Variants in SSR4 observed in about 807,000 individuals in gnomAD.
SSR4 encodes the protein signal sequence receptor subunit 4.
For synonymous variants in SSR4, 84 were observed against 65.6 expected (o/e 1.28, Z -1.35); for missense variants, 125 against 148.8 (o/e 0.84, Z 0.83).
chrX:153,794,417 G>A (rs782411746), upstream of SSR4: 97 of 1,136,705 alleles, frequency 8.5e-5, no homozygotes, highest in Non-Finnish European at 1.1e-4. Flanking sequence ...GACAGGCGCG[G>A]ACCCGGTACT....
chrX:153,794,191 C>G (rs1056089840), upstream of SSR4: 6 of 1,119,386 alleles, frequency 5.4e-6, no homozygotes, highest in South Asian at 1.2e-4. Context: ...GGTGCGGCTA[C>G]CCCACCGCTC....
intron 2 of SSR4, chrX:153,796,956 C>T (rs1438322160): frequency 2.8e-5 from 5 of 177,909 alleles, no homozygotes; most frequent in Non-Finnish European, 4.2e-5. Context: ...TCTTGGCTCA[C>T]TGCAGCCTCC....
intron 1 of SSR4, chrX:153,795,798 C>T (rs2092136707): frequency 4.0e-6 from 3 of 754,100 alleles, no homozygotes; most frequent in Non-Finnish European, 4.7e-6. Context: ...GTTTCACACC[C>T]TCTGATGTAG....
chrX:153,794,619 C>A, upstream of SSR4: 1 of 1,206,143 alleles, frequency 8.3e-7, no homozygotes, highest in Non-Finnish European at 1.1e-6. Flanking sequence ...ACTTACGCGT[C>A]GCTCTTCCTC....
upstream of SSR4, chrX:153,794,398 A>C: frequency 8.7e-7 from 1 of 1,146,149 alleles, no homozygotes; most frequent in African/African-American, 1.8e-5. Context: ...CGGGGTGCGA[A>C]GTTTCGGGGA....
intron 1 of SSR4, chrX:153,794,985 A>G (rs189153882): frequency 2.3e-6 from 1 of 426,584 alleles, no homozygotes; most frequent in Non-Finnish European, 4.0e-6. Context: ...CCGAGCCTCC[A>G]TGGTGCGCCC....
rs782346890 is a variant in SSR4 at position 153,796,695 on chromosome X, C to A, written c.186+143C>A. The A allele has an allele frequency of 2.0e-5, 10 of 502,600 alleles. No homozygotes were observed. In the South Asian group the frequency reaches 2.6e-4, roughly 13 times the overall value. The allele number at this position is 502,600 out of a possible 1,213,427, so 41.4% of individuals were successfully genotyped here. On this transcript the variant is annotated intron_variant, in intron 2 of 5. Coordinates refer to ENST00000370086, the MANE Select transcript of SSR4 (RefSeq NM_006280.3). Reference sequence around the variant, plus strand: ...AGATCAGGGCACGGTGATGCCAGATCCTAGCCAGTGTTGACAGGTCACCTT... The same window carrying A: ...AGATCAGGGCACGGTGATGCCAGATACTAGCCAGTGTTGACAGGTCACCTT...
At chrX:153,797,701 C>T (rs2092150282) in intron 3 of SSR4, 24 bp from the exon 4 acceptor site, 2 of 1,198,797 alleles carry the variant, frequency 1.7e-6, no homozygotes, top group Non-Finnish European at 2.3e-6. Context: ...ACTCTGCCCA[C>T]ACTCTGCTCA....
chrX:153,794,629 C>T (rs1557071663), upstream of SSR4: 2 of 1,209,416 alleles, frequency 1.7e-6, no homozygotes, highest in Non-Finnish European at 2.2e-6. Context: ...CGCTCTTCCT[C>T]GTTTGCCCCT....
rs782246631 is a variant in SSR4, at chrX:153,795,704, G to A, written c.68-730G>A. On this transcript the variant is annotated intron_variant, in intron 1 of 5. Coordinates refer to ENST00000370086, the MANE Select transcript of SSR4 (RefSeq NM_006280.3). ...GTCCAGACCCAGAGCCTTCTCTGAC[G>A]TCCTCTGCTGAAGCCATCGTTCTGC... is the stretch of plus-strand genomic sequence containing the variant. 8 of 753,767 alleles carry A rather than the reference G, an allele frequency of 1.1e-5. No homozygotes were observed. In the South Asian group the frequency reaches 2.0e-4, roughly 19 times the overall value. The allele number at this position is 753,767 out of a possible 1,213,427, so 62.1% of individuals were successfully genotyped here. A position where few individuals can be genotyped will look rare whatever the true frequency, so the allele number is the denominator to read the frequency against.
chrX:153,794,249 C>T, upstream of SSR4: 1 of 1,193,540 alleles, frequency 8.4e-7, no homozygotes, highest in East Asian at 3.0e-5. Flanking sequence ...TGCTCACCTC[C>T]CAGGGACGGC....
chrX:153,794,771 G>A lies in SSR4; in HGVS notation c.67+17G>A. On this transcript the variant is annotated intron_variant, in intron 1 of 5. Coordinates refer to ENST00000370086, the MANE Select transcript of SSR4 (RefSeq NM_006280.3). ...GCTGCTCAGGTAGCGGCCCAGCCGG[G>A]GCTTCTTTCTTGCGAGCCTCTGACC... 2 of 1,207,477 alleles carry A rather than the reference G, an allele frequency of 1.7e-6. No individual in the cohort carries two copies. Among genetic ancestry groups the A allele is most frequent in the Non-Finnish European group, 2.2e-6 (2 of 893,037 alleles).
chrX:153,796,431 C>T lies in SSR4; in HGVS notation c.68-3C>T. ...CCCAGGCATCTCTCCCTCTTCCCCG[C>T]AGCCGAGGCCTGCCTGGAGCCCCAG... On this transcript the variant is annotated splice_polypyrimidine_tract_variant and splice_region_variant and intron_variant, in intron 1 of 5. Coordinates refer to ENST00000370086, the MANE Select transcript of SSR4 (RefSeq NM_006280.3). The T allele has an allele frequency of 1.7e-6, 2 of 1,192,764 alleles. No homozygotes were observed. Among genetic ancestry groups the T allele is most frequent in the Admixed American group, 2.2e-5 (1 of 46,032 alleles).
chrX:153,794,436 G>C, upstream of SSR4: 1 of 1,136,413 alleles, frequency 8.8e-7, no homozygotes. Flanking sequence ...CTGCGCACGC[G>C]CGCGGTCGCA....
In SSR4 at chrX:153,798,313, A is replaced by T; in HGVS notation, c.418-16A>T. 1 of 1,205,665 alleles carries T rather than the reference A, an allele frequency of 8.3e-7. No homozygotes were observed. Among genetic ancestry groups the T allele is most frequent in the Non-Finnish European group, 1.1e-6 (1 of 892,329 alleles). On this transcript the variant is annotated splice_polypyrimidine_tract_variant and intron_variant, in intron 5 of 5. Transcript: ENST00000370086. Reference sequence around the variant, plus strand: ...CTGTACTCCCCTGAGCTGGCTTGTGATCTCCTTTTTTTCAGGGCACTTGGA... The same window carrying T: ...CTGTACTCCCCTGAGCTGGCTTGTGTTCTCCTTTTTTTCAGGGCACTTGGA...
At chrX:153,794,600 G>A (rs1569542837), upstream of SSR4, 17 of 1,197,462 alleles carry the variant, frequency 1.4e-5, no homozygotes, top group Non-Finnish European at 1.9e-5. Flanking sequence ...GCGATTGGCT[G>A]CCGCTGCCAC....
intron 1 of SSR4, chrX:153,795,105 G>C (rs902746483): frequency 4.0e-6 from 1 of 247,160 alleles, no homozygotes; most frequent in African/African-American, 2.8e-5. Flanking sequence ...CAAAAACGGG[G>C]CTGGAGGAGC....
chrX:153,794,174 T>A, upstream of SSR4: 1 of 1,084,307 alleles, frequency 9.2e-7, no homozygotes, highest in Non-Finnish European at 1.2e-6. Context: ...GACTCCAGAC[T>A]GCTTCGGGTG....
intron 2 of SSR4, chrX:153,796,825 C>A: frequency 3.0e-6 from 1 of 334,216 alleles, no homozygotes; most frequent in South Asian, 6.4e-5. Context: ...AGGAGTCAGC[C>A]CACCCCGGTT....
Sources: allele counts gnomAD v4.1 joint callset, GRCh38; gene constraint gnomAD v4.1.1; transcripts MANE v1.5; gene names NCBI Gene and HGNC (gene_info 2026-07-23, HGNC 2026-07-21).